MYT1L: variants seen among roughly 807,000 people sequenced by gnomAD.
MYT1L encodes the protein myelin transcription factor 1 like, also known as myelin transcription factor 1-like protein.
MYT1L carries 12 observed loss-of-function variants against 126.7 expected under a neutral mutation model. The observed-to-expected ratio is 0.09, with a 90% CI of 0.06 to 0.15. MYT1L has a LOEUF of 0.15. Among genes scored for constraint, MYT1L ranks in the 10% least tolerant of loss-of-function variants. MYT1L has a pLI of 1.00. For missense variants in MYT1L, 979 were observed against 1,585.2 expected, an observed-to-expected ratio of 0.62 and a Z score of 6.49; for synonymous variants, 541 against 604.2, an observed-to-expected ratio of 0.90 and a Z score of 1.53.
intron 4 of MYT1L, among the ~76,000 whole-genome samples, chr2:2,036,801 A>G (rs556038377): frequency 6.6e-6 from 1 of 152,282 alleles, no homozygotes; most frequent in Admixed American, 6.5e-5. Context: ...TAAGCATCAA[A>G]CTTAAGACAT....
intron 2 of MYT1L, among the ~76,000 whole-genome samples, chr2:2,199,417 G>A (rs542727090): frequency 2.6e-4 from 39 of 152,332 alleles, no homozygotes; most frequent in Admixed American, 5.2e-4. Flanking sequence ...TGTAGACTGC[G>A]TGAAATGCAG....
At chr2:2,130,231 A>G (rs932764633) in intron 3 of MYT1L, among the ~76,000 whole-genome samples, 2 of 152,142 alleles carry the variant, frequency 1.3e-5, no homozygotes, top group Admixed American at 6.5e-5. Context: ...GGTAATGCCC[A>G]GCCTCCTTAG....
At chr2:2,038,429 TCTC>T (rs1388962288) in intron 4 of MYT1L, among the ~76,000 whole-genome samples, 2 of 152,176 alleles carry the variant, frequency 1.3e-5, no homozygotes, top group African/African-American at 4.8e-5. Flanking sequence ...TCCCCTGACT[TCTC>T]CTTCCTGCCA....
At chr2:2,156,017 T>C (rs1394490848) in intron 3 of MYT1L, among the ~76,000 whole-genome samples, 1 of 152,086 alleles carries the variant, frequency 6.6e-6, no homozygotes, top group Non-Finnish European at 1.5e-5. Flanking sequence ...TGACAAAAAA[T>C]CACTAAGCAC....
At chr2:2,114,322 G>T (rs1317084193) in intron 3 of MYT1L, among the ~76,000 whole-genome samples, 1 of 152,132 alleles carries the variant, frequency 6.6e-6, no homozygotes, top group East Asian at 1.9e-4. Flanking sequence ...AAGTCCCAAG[G>T]TTACCATGAA....
intron 4 of MYT1L, among the ~76,000 whole-genome samples, chr2:2,031,144 G>C (rs754710417): frequency 1.3e-5 from 2 of 152,192 alleles, no homozygotes; most frequent in Non-Finnish European, 2.9e-5. Flanking sequence ...TAGAGATGTG[G>C]CATGTCAACA....
intron 15 of MYT1L, among the ~76,000 whole-genome samples, chr2:1,891,717 A>G (rs191124699): frequency 6.6e-6 from 1 of 152,310 alleles, no homozygotes; most frequent in Non-Finnish European, 1.5e-5. Flanking sequence ...CGGTCACTGG[A>G]GACCACAGGA....
chr2:1,886,293 G>T (rs990014547), intron 18 of MYT1L: 4 of 372,020 alleles, frequency 1.1e-5, no homozygotes, highest in African/African-American at 6.2e-5. Context: ...CATGCTTTAG[G>T]ATATCCCAGA....
chr2:1,821,438 T>TA (rs1201586348), intron 21 of MYT1L, among the ~76,000 whole-genome samples: 1 of 152,216 alleles, frequency 6.6e-6, no homozygotes, highest in Non-Finnish European at 1.5e-5. Flanking sequence ...ATATTCGTGT[T>TA]CTCTGAATGT....
At chr2:2,092,218 T>G (rs765130947) in intron 3 of MYT1L, among the ~76,000 whole-genome samples, 3 of 152,212 alleles carry the variant, frequency 2.0e-5, no homozygotes, top group Non-Finnish European at 4.4e-5. Context: ...AACTCTTCCT[T>G]TACTTGAATA....
intron 2 of MYT1L, among the ~76,000 whole-genome samples, chr2:2,281,208 T>A (rs1299220416): frequency 6.6e-6 from 1 of 152,334 alleles, no homozygotes; most frequent in African/African-American, 2.4e-5. Flanking sequence ...TTCTCCTTCC[T>A]GTGAAGAAGA....
Position 2,197,839 on chromosome 2 carries a change from T to C in MYT1L, c.-420-24851A>G, listed in dbSNP as rs75982856. Among the ~76,000 whole-genome samples, 1,084 of 151,408 alleles carry C rather than the reference T, an allele frequency of 7.2e-3. 3 individuals carry two copies. Among genetic ancestry groups the C allele is most frequent in the Admixed American group, 0.015 (226 of 15,194 alleles). ...TGCACACACACACGCACACAACGAA[T>C]GTGTAGAGATGTACCTAACATACAC... On this transcript the variant is annotated intron_variant, in intron 2 of 24. Coordinates refer to ENST00000647738, the MANE Select transcript of MYT1L (RefSeq NM_001303052.2).
chr2:2,053,153 A>C (rs968199567), intron 4 of MYT1L, among the ~76,000 whole-genome samples: 1 of 152,216 alleles, frequency 6.6e-6, no homozygotes, highest in Non-Finnish European at 1.5e-5. Flanking sequence ...GAAAGAGAGC[A>C]GTCACAAAAG....
intron 11 of MYT1L, among the ~76,000 whole-genome samples, chr2:1,916,454 G>A (rs1236738093): frequency 2.6e-5 from 4 of 152,172 alleles, no homozygotes; most frequent in Non-Finnish European, 5.9e-5. Context: ...TCATTTCTGA[G>A]AATGTGTCTT....
chr2:2,267,674 C>T (rs1357136158), intron 2 of MYT1L, among the ~76,000 whole-genome samples: 1 of 152,166 alleles, frequency 6.6e-6, no homozygotes, highest in Non-Finnish European at 1.5e-5. Flanking sequence ...CTAGCATGAA[C>T]TCAGATGAAA....
At chr2:2,219,826 A>C (rs892786892) in intron 2 of MYT1L, among the ~76,000 whole-genome samples, 17 of 152,166 alleles carry the variant, frequency 1.1e-4, no homozygotes, top group African/African-American at 4.1e-4. Flanking sequence ...GTGTACTCTT[A>C]TGGCAGAACT....
At chr2:2,012,218 T>A (rs1574501223) in intron 4 of MYT1L, among the ~76,000 whole-genome samples, 1 of 152,348 alleles carries the variant, frequency 6.6e-6, no homozygotes, top group South Asian at 2.1e-4. Context: ...GGGGCTGATT[T>A]ATATAATAAA....
chr2:1,842,243 T>G (rs2041830159), intron 19 of MYT1L: 1 of 152,376 alleles, frequency 6.6e-6, no homozygotes, highest in Non-Finnish European at 1.5e-5. Context: ...AAAGGGAGGC[T>G]CCATCCTGCC....
chr2:2,293,960 C>A (rs915771678), intron 1 of MYT1L, among the ~76,000 whole-genome samples: 3 of 152,170 alleles, frequency 2.0e-5, no homozygotes, highest in Non-Finnish European at 2.9e-5. Flanking sequence ...CAACGGCCAC[C>A]AGCACGGGGG....
Sources: gnomAD v4.1 joint callset for allele counts (sites outside exome capture counted in the v4.1 genomes callset) on GRCh38, gnomAD v4.1.1 for gene constraint, MANE v1.5 for transcripts, NCBI Gene and HGNC (gene_info 2026-07-23, HGNC 2026-07-21) for gene names.